ATP11A: variants seen among roughly 807,000 people sequenced by gnomAD.
ATP11A encodes the protein phospholipid-transporting ATPase IH.
ATP11A carries 81 observed loss-of-function variants against 154.4 expected under a neutral mutation model. The ratio of observed to expected loss-of-function variants is 0.52; its 90% CI spans 0.44 to 0.63. The LOEUF is 0.63. Among genes scored for constraint, ATP11A ranks in the 30% least tolerant of loss-of-function variants. The pLI is 0.00. For synonymous variants in ATP11A, 623 were observed against 585.9 expected, an observed-to-expected ratio of 1.06 and a Z score of -0.91; for missense variants, 1,316 against 1,474.3, an observed-to-expected ratio of 0.89 and a Z score of 1.76.
chr13:112,716,533 G>A (rs538637518), intron 1 of ATP11A, among the ~76,000 whole-genome samples: 1 of 152,184 alleles, frequency 6.6e-6, no homozygotes, highest in Non-Finnish European at 1.5e-5. Context: ...CGGGACAGAG[G>A]GGGCAAGGAG....
At position 112,705,657 on chromosome 13, in the gene ATP11A, C is replaced by G. The variant is rs573768011; in HGVS notation, c.39+15202C>G. On this transcript the variant is annotated intron_variant, in intron 1 of 29. Transcript: ENST00000375645. ...GCCCCCCAGGAGGGATGAGCAGAGG[C>G]CTAGTCTGAGACCTAAGCAGGTGTC... 3.3e-5 allele frequency among the ~76,000 whole-genome samples: 5 copies of G among 152,330 alleles called. No homozygotes were observed. In the East Asian group the frequency reaches 9.6e-4, roughly 29 times the overall value.
intron 1 of ATP11A, among the ~76,000 whole-genome samples, chr13:112,775,304 G>A (rs1193866934): frequency 4.6e-5 from 7 of 152,222 alleles, no homozygotes; most frequent in Admixed American, 2.0e-4. Context: ...TGAAGGGCTC[G>A]TTATCCGACT....
rs572455363 is a variant in ATP11A at position 112,738,876 on chromosome 13, G to C, written c.40-46259G>C. ...CTAGGTTGGCCCATGCAGTTCTGGG[G>C]CCTGCTGTATGTCTTCTTCCCCTAG... On this transcript the variant is annotated intron_variant, in intron 1 of 29. Transcript: ENST00000375645. 1.1e-3 allele frequency among the ~76,000 whole-genome samples: 153 copies of C among 138,624 alleles called. 2 individuals carry two copies. The highest frequency in any genetic ancestry group is 4.4e-3 in the African/African-American group (138 of 31,722). The allele number at this position is 138,624 out of a possible 152,430, so 90.9% of individuals were successfully genotyped here. A position where few individuals can be genotyped will look rare whatever the true frequency, so the allele number is the denominator to read the frequency against.
At chr13:112,735,054 G>A (rs1156699772) in intron 1 of ATP11A, among the ~76,000 whole-genome samples, 1 of 152,172 alleles carries the variant, frequency 6.6e-6, no homozygotes, top group African/African-American at 2.4e-5. Context: ...GAAAAAAGCT[G>A]AGAAAAATGT....
chr13:112,858,144 G>C lies in ATP11A; in HGVS notation c.2522-1G>C. The C allele has an allele frequency of 6.2e-7, 1 of 1,613,280 alleles. No individual in the cohort carries two copies. The highest frequency in any genetic ancestry group is 8.5e-7 in the Non-Finnish European group (1 of 1,179,584). On this transcript the variant is annotated splice_acceptor_variant, in intron 21 of 29. Coordinates refer to ENST00000375645, the MANE Select transcript of ATP11A (RefSeq NM_015205.3). LOFTEE classifies it high-confidence loss of function. The stretch of plus-strand genomic sequence containing the variant: ...TCAGCTCCTTCACCTCCGTCTTCTA[G>C]GTGTCATCGGCAAGGAAGGCCGCCA...
chr13:112,751,689 A>C lies in ATP11A; in HGVS notation c.40-33446A>C, dbSNP rs188696564. Among the ~76,000 whole-genome samples the C allele has an allele frequency of 3.6e-3, 546 of 151,928 alleles. 2 individuals carry two copies. Among genetic ancestry groups the C allele is most frequent in the East Asian group, 0.015 (77 of 5,146 alleles). Reference sequence around the variant, plus strand: ...AAAACAAAACAAAACAAAAAAAAAAACAGACATTGGCCCTTTGACTGATAT... The same window carrying C: ...AAAACAAAACAAAACAAAAAAAAAACCAGACATTGGCCCTTTGACTGATAT... On this transcript the variant is annotated intron_variant, in intron 1 of 29. Transcript: ENST00000375645.
chr13:112,764,615 G>A (rs142724597), intron 1 of ATP11A, among the ~76,000 whole-genome samples: 17 of 152,300 alleles, frequency 1.1e-4, no homozygotes, highest in East Asian at 1.9e-4. Context: ...TAAAGGAGCC[G>A]AAGAGGACCT....
intron 1 of ATP11A, among the ~76,000 whole-genome samples, chr13:112,716,088 C>T (rs1275135345): frequency 2.0e-5 from 3 of 151,988 alleles, no homozygotes; most frequent in African/African-American, 7.3e-5. Flanking sequence ...AGCTCATTCT[C>T]AGTGGAGTTC....
chr13:112,866,009 C>T (rs936314987), intron 25 of ATP11A, among the ~76,000 whole-genome samples: 2 of 152,216 alleles, frequency 1.3e-5, no homozygotes, highest in African/African-American at 2.4e-5. Flanking sequence ...CATACTTAGT[C>T]GTCTTCCTCT....
At chr13:112,765,543 T>G (rs2077056069) in intron 1 of ATP11A, among the ~76,000 whole-genome samples, 1 of 152,236 alleles carries the variant, frequency 6.6e-6, no homozygotes, top group Non-Finnish European at 1.5e-5. Flanking sequence ...AGGGAGAATG[T>G]ACTGAAATTG....
chr13:112,864,347 CAT>C (rs2080240307), intron 25 of ATP11A, among the ~76,000 whole-genome samples: 2 of 101,152 alleles, frequency 2.0e-5, no homozygotes, highest in African/African-American at 3.5e-5. Context: ...CAGTGCAGGC[CAT>C]GCAGCTTCCC....
intron 16 of ATP11A, 30 bp from the exon 17 acceptor site, chr13:112,842,246 A>G (rs2140292634): frequency 6.5e-7 from 1 of 1,527,710 alleles, no homozygotes; most frequent in South Asian, 1.2e-5. Context: ...CCATATTGTG[A>G]TTAAACTCCT....
chr13:112,721,521 A>C (rs973674970), intron 1 of ATP11A, among the ~76,000 whole-genome samples: 1 of 152,206 alleles, frequency 6.6e-6, no homozygotes, highest in East Asian at 1.9e-4. Flanking sequence ...CTGAAGACAC[A>C]GAAACAGCTT....
rs769741724 is a variant in ATP11A at position 112,810,580 on chromosome 13, C to G, written c.334-39C>G. 4 of 1,548,702 alleles carry G rather than the reference C, an allele frequency of 2.6e-6. No homozygotes were observed. The African/African-American group carries it at 5.4e-5, about 21-fold the overall frequency. The stretch of plus-strand genomic sequence containing the variant: ...CTCCCTTTCTCCTCCTTCCCTCTCT[C>G]CCTGCTTCCTCTCTCCCTTCTTTCC... On this transcript the variant is annotated intron_variant, in intron 4 of 29. Coordinates refer to ENST00000375645, the MANE Select transcript of ATP11A (RefSeq NM_015205.3).
At chr13:112,711,729 C>T (rs1566365083) in intron 1 of ATP11A, among the ~76,000 whole-genome samples, 2 of 152,196 alleles carry the variant, frequency 1.3e-5, no homozygotes, top group South Asian at 2.1e-4. Flanking sequence ...CCTGGCTGTT[C>T]AGAATTCCAG....
chr13:112,728,564 CT>C (rs1411415946), intron 1 of ATP11A, among the ~76,000 whole-genome samples: 3 of 149,756 alleles, frequency 2.0e-5, no homozygotes, highest in African/African-American at 7.4e-5. Flanking sequence ...CCTGTGTTAC[CT>C]GTATGTACCG....
intron 1 of ATP11A, among the ~76,000 whole-genome samples, chr13:112,698,867 G>A (rs1290786522): frequency 4.6e-5 from 7 of 151,994 alleles, no homozygotes; most frequent in East Asian, 3.9e-4. Flanking sequence ...GATTACAGGC[G>A]CCTGCCACCA....
At chr13:112,729,053 G>A (rs1055866200) in intron 1 of ATP11A, among the ~76,000 whole-genome samples, 1 of 152,188 alleles carries the variant, frequency 6.6e-6, no homozygotes, top group Non-Finnish European at 1.5e-5. Context: ...TAAAGCAAAG[G>A]CTTTGTTCTC....
intron 4 of ATP11A, 71 bp downstream of exon 4, chr13:112,806,364 A>G (rs905890786): frequency 2.4e-6 from 3 of 1,254,006 alleles, no homozygotes; most frequent in Non-Finnish European, 3.5e-6. Flanking sequence ...ATTCAAAGCG[A>G]GGTGATTGGT....
Sources: allele counts gnomAD v4.1 joint callset (sites outside exome capture counted in the v4.1 genomes callset), GRCh38; gene constraint gnomAD v4.1.1; transcripts MANE v1.5; gene names NCBI Gene and HGNC (gene_info 2026-07-23, HGNC 2026-07-21).